The following NEDD4L variants were observed in gnomAD, a reference collection of about 807,000 sequenced individuals.
The protein encoded by NEDD4L is NEDD4 like E3 ubiquitin protein ligase.
A neutral mutation model predicts 148.9 loss-of-function variants in NEDD4L; 54 were observed. The ratio of observed to expected loss-of-function variants is 0.36; its 90% CI spans 0.29 to 0.45. The LOEUF (loss-of-function observed/expected upper bound fraction) is 0.45. NEDD4L is among the 20% of genes least tolerant of loss of function. NEDD4L has a pLI of 1.00. For synonymous variants in NEDD4L, 433 were observed against 440.7 expected (o/e 0.98, Z 0.22); for missense variants, 856 against 1,233.8 (o/e 0.69, Z 4.59).
intron 1 of NEDD4L, among the ~76,000 whole-genome samples, chr18:58,140,191 T>TG (rs1177240647): frequency 6.6e-6 from 1 of 152,170 alleles, no homozygotes; most frequent in Non-Finnish European, 1.5e-5. Context: ...CGTGCAGTCT[T>TG]GCAGCTGCTG....
chr18:58,321,242 TG>T (rs1426082063), intron 6 of NEDD4L, among the ~76,000 whole-genome samples: 1 of 152,036 alleles, frequency 6.6e-6, no homozygotes, highest in South Asian at 2.1e-4. Context: ...GACGATAGGA[TG>T]GGGGGTGATA....
At chr18:58,081,356 C>G (rs1278389554) in intron 1 of NEDD4L, among the ~76,000 whole-genome samples, 1 of 151,738 alleles carries the variant, frequency 6.6e-6, no homozygotes, top group African/African-American at 2.4e-5. Flanking sequence ...GCTGGGACTA[C>G]AGGTGCCTAC....
chr18:58,378,251 C>T (rs1380721807), intron 24 of NEDD4L, among the ~76,000 whole-genome samples: 2 of 152,172 alleles, frequency 1.3e-5, no homozygotes, highest in African/African-American at 4.8e-5. Flanking sequence ...CAGCACATTC[C>T]ACAGGTGTAC....
intron 2 of NEDD4L, among the ~76,000 whole-genome samples, chr18:58,183,968 G>C (rs2147039142): frequency 6.6e-6 from 1 of 152,322 alleles, no homozygotes; most frequent in East Asian, 1.9e-4. Context: ...AGGAGATCAA[G>C]GCCATCCTGG....
At chr18:58,381,957 A>G (rs1453533968) in intron 24 of NEDD4L, among the ~76,000 whole-genome samples, 4 of 152,200 alleles carry the variant, frequency 2.6e-5, no homozygotes, top group African/African-American at 9.7e-5. Flanking sequence ...AGGGAAATGG[A>G]GAAATGAAGG....
rs1365528439 is a variant in NEDD4L, at chr18:58,333,805, C to T, written c.991-13C>T. ...TATTTCTTGATGCTTCCTGTCTTTTCCTCTCCTTCCAGCAAAGAGAACCCT... is the reference window on the plus strand; with the variant it reads ...TATTTCTTGATGCTTCCTGTCTTTTTCTCTCCTTCCAGCAAAGAGAACCCT... On this transcript the variant is annotated splice_polypyrimidine_tract_variant and intron_variant, in intron 11 of 30. Transcript: ENST00000400345. 1 of 1,608,850 alleles carries T rather than the reference C, an allele frequency of 6.2e-7. No homozygotes were observed. The highest frequency in any genetic ancestry group is 8.5e-7 in the Non-Finnish European group (1 of 1,175,494).
At chr18:58,337,154 C>A (rs1028232611) in intron 13 of NEDD4L, among the ~76,000 whole-genome samples, 6 of 152,152 alleles carry the variant, frequency 3.9e-5, no homozygotes, top group African/African-American at 1.4e-4. Flanking sequence ...CTGCCATTTT[C>A]TTGCCTTCTT....
At position 58,185,873 on chromosome 18, in the gene NEDD4L, CA is replaced by C. The variant is rs1215009247; in HGVS notation, c.122+20024del. Among the ~76,000 whole-genome samples, 322 of 135,030 alleles carry C rather than the reference CA, an allele frequency of 2.4e-3. 1 individual carries two copies. The highest frequency in any genetic ancestry group is 7.1e-3 in the African/African-American group (260 of 36,584). 88.6% of individuals were successfully genotyped at this position (135,030 alleles called of 152,430 possible). On this transcript the variant is annotated intron_variant, in intron 2 of 30. Transcript: ENST00000400345. ...GGGCAAAAAGAGCAAAACTCTGTCT[CA>C]AAAAAAAAAAATTAAAATTAAAATT...
intron 5 of NEDD4L, among the ~76,000 whole-genome samples, chr18:58,274,979 G>T (rs556134025): frequency 2.0e-5 from 3 of 152,304 alleles, no homozygotes; most frequent in Admixed American, 6.5e-5. Context: ...ACAATAAGCA[G>T]TATCAGTTGT....
intron 2 of NEDD4L, among the ~76,000 whole-genome samples, chr18:58,220,577 G>T (rs146782032): frequency 2.0e-5 from 3 of 152,164 alleles, no homozygotes; most frequent in South Asian, 2.1e-4. Flanking sequence ...TTGAACGCTG[G>T]GGGGAACTGC....
chr18:58,255,002 T>C (rs1188681517), intron 5 of NEDD4L, among the ~76,000 whole-genome samples: 1 of 152,208 alleles, frequency 6.6e-6, no homozygotes, highest in Non-Finnish European at 1.5e-5. Context: ...AAACATGGTA[T>C]CCGATGCTTG....
chr18:58,168,678 C>T (rs530659583), intron 2 of NEDD4L, among the ~76,000 whole-genome samples: 1 of 152,206 alleles, frequency 6.6e-6, no homozygotes, highest in Non-Finnish European at 1.5e-5. Flanking sequence ...TCAGACACCT[C>T]ATTCTCCCTT....
intron 1 of NEDD4L, among the ~76,000 whole-genome samples, chr18:58,111,896 TC>T (rs35820126): frequency 6.6e-5 from 10 of 152,002 alleles, no homozygotes; most frequent in Non-Finnish European, 1.0e-4. Context: ...CATTTGACAT[TC>T]CCCCCCAGCA....
chr18:58,099,352 A>G (rs2084619280), intron 1 of NEDD4L, among the ~76,000 whole-genome samples: 1 of 152,178 alleles, frequency 6.6e-6, no homozygotes, highest in East Asian at 1.9e-4. Context: ...TCCTTATAGC[A>G]TCTAGGTCAG....
chr18:58,301,769 G>A (rs1216983648), intron 5 of NEDD4L, among the ~76,000 whole-genome samples: 8 of 152,274 alleles, frequency 5.3e-5, no homozygotes, highest in East Asian at 1.9e-4. Flanking sequence ...TCTAGCCATT[G>A]AAATATCATG....
chr18:58,300,732 G>C (rs890388777), intron 5 of NEDD4L, among the ~76,000 whole-genome samples: 1 of 152,218 alleles, frequency 6.6e-6, no homozygotes, highest in Non-Finnish European at 1.5e-5. Context: ...TATATGCTGG[G>C]CTCTGTTAGG....
At chr18:58,226,435 T>G (rs561686228) in intron 2 of NEDD4L, among the ~76,000 whole-genome samples, 40 of 152,342 alleles carry the variant, frequency 2.6e-4, no homozygotes, top group African/African-American at 9.1e-4. Flanking sequence ...CAAAATTGAT[T>G]ATAGTAATCC....
chr18:58,253,530 GTC>G (rs2048162514), intron 5 of NEDD4L, among the ~76,000 whole-genome samples: 1 of 152,160 alleles, frequency 6.6e-6, no homozygotes, highest in African/African-American at 2.4e-5. Context: ...TGCAGTTCTT[GTC>G]TCTCCATCTC....
chr18:58,374,900 C>T (rs1464379256), intron 24 of NEDD4L, among the ~76,000 whole-genome samples: 1 of 152,132 alleles, frequency 6.6e-6, no homozygotes, highest in East Asian at 1.9e-4. Flanking sequence ...CACCCATCTC[C>T]GCTCACCACC....
Sources: gnomAD v4.1 joint callset for allele counts (sites outside exome capture counted in the v4.1 genomes callset) on GRCh38, gnomAD v4.1.1 for gene constraint, MANE v1.5 for transcripts, NCBI Gene and HGNC (gene_info 2026-07-23, HGNC 2026-07-21) for gene names.